GRM7: variants seen among roughly 807,000 people sequenced by gnomAD.
The protein encoded by GRM7 is glutamate metabotropic receptor 7.
In GRM7, 35 loss-of-function variants were observed where a neutral mutation model predicts 84.5. The observed-to-expected ratio is 0.41, with a 90% CI of 0.32 to 0.55. The LOEUF (loss-of-function observed/expected upper bound fraction) is 0.55, where lower values mean the gene tolerates loss of function less well. Ranked by LOEUF, GRM7 falls within the 20% of genes least tolerant of loss-of-function variation. The probability of loss-of-function intolerance (pLI) is 0.19; values close to 1 mark genes in which losing one functional copy is unlikely to be tolerated. For synonymous variants in GRM7, 487 were observed against 455.1 expected (o/e 1.07, Z -0.89); for missense variants, 1,003 against 1,194.6 (o/e 0.84, Z 2.36).
chr3:7,292,307 G>T (rs1182667677), intron 2 of GRM7, among the ~76,000 whole-genome samples: 1 of 152,120 alleles, frequency 6.6e-6, no homozygotes, highest in Non-Finnish European at 1.5e-5. Context: ...CCTCTAACAA[G>T]ACGTGTTGTA....
At chr3:7,106,494 A>C (rs73808683) in intron 1 of GRM7, among the ~76,000 whole-genome samples, 4,174 of 152,114 alleles carry the variant, frequency 0.027, 190 homozygotes, top group African/African-American at 0.096. Context: ...TGTGAATGAT[A>C]ATTTTTAAGA....
chr3:6,933,357 G>T (rs563008207), intron 1 of GRM7, among the ~76,000 whole-genome samples: 14 of 152,150 alleles, frequency 9.2e-5, no homozygotes, highest in African/African-American at 3.1e-4. Flanking sequence ...TCATATCCAG[G>T]CTTAATTGGA....
At chr3:6,958,732 A>C (rs950732993) in intron 1 of GRM7, among the ~76,000 whole-genome samples, 1 of 152,162 alleles carries the variant, frequency 6.6e-6, no homozygotes. Context: ...TCATACCCTA[A>C]AATCCATGAC....
At chr3:6,988,844 C>A (rs1694524252) in intron 1 of GRM7, among the ~76,000 whole-genome samples, 1 of 152,050 alleles carries the variant, frequency 6.6e-6, no homozygotes, top group South Asian at 2.1e-4. Context: ...TCCATATACA[C>A]CAAAGGTAGG....
At chr3:7,107,745 T>C (rs1692704969) in intron 1 of GRM7, among the ~76,000 whole-genome samples, 1 of 152,004 alleles carries the variant, frequency 6.6e-6, no homozygotes, top group South Asian at 2.1e-4. Flanking sequence ...TTTAAAGAGC[T>C]TTAGAGAAGA....
intron 1 of GRM7, among the ~76,000 whole-genome samples, chr3:6,895,344 A>T (rs1696136764): frequency 6.6e-6 from 1 of 152,178 alleles, no homozygotes; most frequent in Non-Finnish European, 1.5e-5. Context: ...CTGCCTTAAG[A>T]TTCTAGCTCT....
chr3:7,048,216 A>G (rs1696869938), intron 1 of GRM7, among the ~76,000 whole-genome samples: 2 of 152,120 alleles, frequency 1.3e-5, no homozygotes, highest in Middle Eastern at 6.8e-3. Context: ...CTTTCTCCTT[A>G]TCCAAGCATA....
intron 2 of GRM7, among the ~76,000 whole-genome samples, chr3:7,272,145 T>A (rs1575107210): frequency 6.6e-6 from 1 of 152,306 alleles, no homozygotes; most frequent in Non-Finnish European, 1.5e-5. Context: ...TATTACATGT[T>A]TTTCCTCTCT....
chr3:7,033,631 A>G (rs1274848967), intron 1 of GRM7, among the ~76,000 whole-genome samples: 6 of 152,248 alleles, frequency 3.9e-5, no homozygotes, highest in Admixed American at 3.3e-4. Flanking sequence ...TGTCCTTTTT[A>G]TGGTCAAACT....
At chr3:7,374,202 A>G (rs1039576729) in intron 4 of GRM7, among the ~76,000 whole-genome samples, 11 of 152,102 alleles carry the variant, frequency 7.2e-5, no homozygotes, top group African/African-American at 2.7e-4. Flanking sequence ...TCCAGCACTT[A>G]TAGATACTCT....
At chr3:6,917,400 G>C (rs1696976481) in intron 1 of GRM7, among the ~76,000 whole-genome samples, 1 of 151,482 alleles carries the variant, frequency 6.6e-6, no homozygotes, top group African/African-American at 2.4e-5. Flanking sequence ...AAAAATGTTG[G>C]AAGAGGCAAA....
intron 9 of GRM7, chr3:7,682,301 A>T (rs1397176550): frequency 6.9e-6 from 1 of 145,040 alleles, no homozygotes; most frequent in Non-Finnish European, 1.5e-5. Flanking sequence ...GTGCCATTGC[A>T]CTCCAGCCTG....
chr3:7,518,893 G>A (rs940441694), intron 7 of GRM7, among the ~76,000 whole-genome samples: 1 of 152,124 alleles, frequency 6.6e-6, no homozygotes. Context: ...AGATTTAGCT[G>A]GTCGTTTTTA....
intron 1 of GRM7, 59 bp from the exon 2 acceptor site, chr3:7,146,392 TA>T: frequency 1.6e-6 from 2 of 1,250,662 alleles, no homozygotes; most frequent in Non-Finnish European, 2.4e-6. Flanking sequence ...GTCATAAGTA[TA>T]AATGAGTCTC....
chr3:7,667,843 A>G (rs1421123844), intron 8 of GRM7, among the ~76,000 whole-genome samples: 5 of 148,320 alleles, frequency 3.4e-5, no homozygotes, highest in Non-Finnish European at 5.9e-5. Flanking sequence ...GTTAAGTCAA[A>G]GTCAGCAGAT....
At chr3:7,078,907 G>A (rs546151854) in intron 1 of GRM7, among the ~76,000 whole-genome samples, 7 of 150,910 alleles carry the variant, frequency 4.6e-5, no homozygotes, top group Admixed American at 1.3e-4. Flanking sequence ...GATGATATTA[G>A]AATGAGGTAG....
intron 1 of GRM7, among the ~76,000 whole-genome samples, chr3:7,060,754 C>T (rs1339383220): frequency 6.6e-6 from 1 of 151,512 alleles, no homozygotes; most frequent in Non-Finnish European, 1.5e-5. Context: ...TTTCCTTGTG[C>T]CTATAAATGA....
At chr3:7,254,992 C>T (rs2124946375) in intron 2 of GRM7, among the ~76,000 whole-genome samples, 1 of 152,250 alleles carries the variant, frequency 6.6e-6, no homozygotes, top group Non-Finnish European at 1.5e-5. Context: ...AGCTGTATTG[C>T]TAGACAGGTT....
At chr3:7,714,152 G>A (rs1701693094) in intron 9 of GRM7, among the ~76,000 whole-genome samples, 1 of 152,150 alleles carries the variant, frequency 6.6e-6, no homozygotes, top group South Asian at 2.1e-4. Context: ...CTACAGAGCT[G>A]TGCCATCCAG....
Sources: gnomAD v4.1 joint callset for allele counts (sites outside exome capture counted in the v4.1 genomes callset) on GRCh38, gnomAD v4.1.1 for gene constraint, MANE v1.5 for transcripts, NCBI Gene and HGNC (gene_info 2026-07-23, HGNC 2026-07-21) for gene names.